The following ZFAND3 variants were observed in gnomAD, a reference collection of about 807,000 sequenced individuals.
ZFAND3 encodes zinc finger AN1-type containing 3, also known as AN1-type zinc finger protein 3.
A neutral mutation model predicts 29.6 loss-of-function variants in ZFAND3; 10 were observed. That is an observed-to-expected ratio of 0.34 (90% CI 0.21 to 0.57). The LOEUF (loss-of-function observed/expected upper bound fraction) is 0.57. ZFAND3 is among the 20% of genes least tolerant of loss of function. The pLI, the probability that ZFAND3 is intolerant of heterozygous loss-of-function variation, is 0.86. For synonymous variants in ZFAND3, 128 were observed against 112.6 expected (o/e 1.14, Z -0.87); for missense variants, 230 against 304.5 (o/e 0.76, Z 1.82).
intron 1 of ZFAND3, among the ~76,000 whole-genome samples, chr6:37,844,025 C>A (rs259715): frequency 0.32 from 48,618 of 151,658 alleles, 8,219 homozygotes; most frequent in Non-Finnish European, 0.38. Context: ...TCAATTGATC[C>A]TCCCACCTCA....
At chr6:37,979,063 C>T (rs770055435) in intron 2 of ZFAND3, among the ~76,000 whole-genome samples, 23 of 151,350 alleles carry the variant, frequency 1.5e-4, no homozygotes, top group Admixed American at 2.6e-4. Flanking sequence ...CATGAATTCT[C>T]ACTTTAATCT....
intron 1 of ZFAND3, among the ~76,000 whole-genome samples, chr6:37,838,057 G>A (rs539960224): frequency 6.6e-6 from 1 of 152,306 alleles, no homozygotes; most frequent in South Asian, 2.1e-4. Flanking sequence ...TGCAATCTGG[G>A]TGGTGCTACA....
At position 37,896,759 on chromosome 6, in the gene ZFAND3, G is replaced by A. The variant is rs1037260449; in HGVS notation, c.72-33200G>A. 4.0e-5 allele frequency among the ~76,000 whole-genome samples: 6 copies of A among 151,582 alleles called. No individual in the cohort carries two copies. The Admixed American group carries it at 4.0e-4, about 10-fold the overall frequency. ...CATCAAGGTTATGCTGGTCTCATCA[G>A]GTGAGTGGATGAGTGCTCCTTCTCT... On this transcript the variant is annotated intron_variant, in intron 1 of 5. Coordinates refer to ENST00000287218, the MANE Select transcript of ZFAND3 (RefSeq NM_021943.3).
At chr6:37,856,304 T>G (rs1764381606) in intron 1 of ZFAND3, among the ~76,000 whole-genome samples, 2 of 152,314 alleles carry the variant, frequency 1.3e-5, no homozygotes, top group African/African-American at 2.4e-5. Flanking sequence ...TGGTTCTGTT[T>G]CTTCTCTAGT....
At chr6:38,140,730 C>T (rs1430869626) in intron 5 of ZFAND3, among the ~76,000 whole-genome samples, 1 of 152,164 alleles carries the variant, frequency 6.6e-6, no homozygotes, top group Admixed American at 6.5e-5. Context: ...CTCTCCTACA[C>T]CCCCAAGTGA....
intron 1 of ZFAND3, among the ~76,000 whole-genome samples, chr6:37,873,487 T>C (rs1764735827): frequency 6.6e-6 from 1 of 152,234 alleles, no homozygotes; most frequent in African/African-American, 2.4e-5. Flanking sequence ...CTTGGATCTA[T>C]CGTTGAGAGT....
At chr6:37,841,880 C>T (rs1465196157) in intron 1 of ZFAND3, among the ~76,000 whole-genome samples, 2 of 152,130 alleles carry the variant, frequency 1.3e-5, no homozygotes, top group Admixed American at 1.3e-4. Context: ...ACCTGTATGT[C>T]TTAGTTTGGG....
intron 1 of ZFAND3, among the ~76,000 whole-genome samples, chr6:37,912,664 TGGA>T (rs1765543802): frequency 6.6e-6 from 1 of 152,192 alleles, no homozygotes; most frequent in African/African-American, 2.4e-5. Context: ...ATGGTGCTTA[TGGA>T]AATTACAGGG....
At chr6:38,122,467 T>C (rs1321880310) in intron 5 of ZFAND3, among the ~76,000 whole-genome samples, 2 of 152,222 alleles carry the variant, frequency 1.3e-5, no homozygotes, top group African/African-American at 2.4e-5. Flanking sequence ...CTGAACTTAA[T>C]TATTTTGGTG....
intron 5 of ZFAND3, among the ~76,000 whole-genome samples, chr6:38,148,873 T>C (rs1766163718): frequency 6.6e-6 from 1 of 152,164 alleles, no homozygotes; most frequent in African/African-American, 2.4e-5. Context: ...TAGTGAATGA[T>C]CCTGACAGGA....
intron 2 of ZFAND3, among the ~76,000 whole-genome samples, chr6:37,936,911 G>A (rs1302497044): frequency 6.6e-6 from 1 of 152,186 alleles, no homozygotes; most frequent in Non-Finnish European, 1.5e-5. Context: ...TGGGCGCAGG[G>A]TGAAATGGTA....
chr6:38,107,850 T>C (rs1765238749), intron 4 of ZFAND3, among the ~76,000 whole-genome samples: 2 of 151,984 alleles, frequency 1.3e-5, no homozygotes, highest in Admixed American at 6.6e-5. Context: ...CAGGATACCA[T>C]TGATTGCTTG....
intron 2 of ZFAND3, among the ~76,000 whole-genome samples, chr6:38,008,614 C>A (rs548228992): frequency 6.6e-6 from 1 of 152,194 alleles, no homozygotes; most frequent in South Asian, 2.1e-4. Context: ...CTCTCTCTCA[C>A]CTCTTCTCTT....
At chr6:37,922,020 C>T (rs1761390845) in intron 1 of ZFAND3, among the ~76,000 whole-genome samples, 1 of 152,016 alleles carries the variant, frequency 6.6e-6, no homozygotes, top group African/African-American at 2.4e-5. Flanking sequence ...GCCGAGATCA[C>T]ACCACTGCAC....
At chr6:38,121,624 T>G (rs1041269220) in intron 5 of ZFAND3, among the ~76,000 whole-genome samples, 1 of 151,964 alleles carries the variant, frequency 6.6e-6, no homozygotes, top group Non-Finnish European at 1.5e-5. Flanking sequence ...TTATTTGGGG[T>G]TTTAATAGAA....
At chr6:38,049,956 T>TTTA (rs1561980768) in intron 2 of ZFAND3, among the ~76,000 whole-genome samples, 1 of 7,274 alleles carries the variant, frequency 1.4e-4, no homozygotes, top group East Asian at 0.12. Flanking sequence ...TTTTTTTTTT[T>TTTA]TTTTTTTTTT....
chr6:38,021,179 C>G (rs35823566), intron 2 of ZFAND3, among the ~76,000 whole-genome samples: 38,447 of 152,070 alleles, frequency 0.25, 6,237 homozygotes, highest in Non-Finnish European at 0.37. Context: ...TAGCACCCTG[C>G]TGAGCTTTAC....
At chr6:38,056,429 G>A (rs1461926608) in intron 2 of ZFAND3, among the ~76,000 whole-genome samples, 1 of 152,184 alleles carries the variant, frequency 6.6e-6, no homozygotes, top group East Asian at 1.9e-4. Context: ...ACGTATTATT[G>A]TAATAATCTA....
intron 2 of ZFAND3, among the ~76,000 whole-genome samples, chr6:37,976,759 A>G (rs1046071317): frequency 5.3e-5 from 8 of 152,102 alleles, no homozygotes; most frequent in Non-Finnish European, 1.2e-4. Flanking sequence ...GAGAAAGAGG[A>G]AGGGCCACAC....
Sources: allele counts gnomAD v4.1 joint callset (sites outside exome capture counted in the v4.1 genomes callset), GRCh38; gene constraint gnomAD v4.1.1; transcripts MANE v1.5; gene names NCBI Gene and HGNC (gene_info 2026-07-23, HGNC 2026-07-21).